The following SYT14 variants were observed in gnomAD, a reference collection of about 807,000 sequenced individuals.
SYT14 encodes synaptotagmin-14.
SYT14 carries 32 observed loss-of-function variants against 74.2 expected under a neutral mutation model. That is an observed-to-expected ratio of 0.43 (90% CI 0.33 to 0.58). SYT14 has a LOEUF of 0.58. Ranked by LOEUF, SYT14 falls within the 20% of genes least tolerant of loss-of-function variation. SYT14 has a pLI of 0.05. For synonymous variants in SYT14, 298 were observed against 337.7 expected, an observed-to-expected ratio of 0.88 and a Z score of 1.29; for missense variants, 791 against 981.8, an observed-to-expected ratio of 0.81 and a Z score of 2.60.
chr1:209,988,948 G>T (rs1270019316), intron 2 of SYT14, among the ~76,000 whole-genome samples: 1 of 152,142 alleles, frequency 6.6e-6, no homozygotes, highest in African/African-American at 2.4e-5. Flanking sequence ...AGCACACTTG[G>T]CTTCTTCATA....
At chr1:209,958,931 T>A (rs541032444) in intron 2 of SYT14, among the ~76,000 whole-genome samples, 5 of 152,208 alleles carry the variant, frequency 3.3e-5, no homozygotes, top group South Asian at 2.1e-4. Context: ...TTGGCGAGGA[T>A]GTGGAGGAAT....
chr1:209,977,960 C>CT (rs2079400173), intron 2 of SYT14, among the ~76,000 whole-genome samples: 1 of 152,122 alleles, frequency 6.6e-6, no homozygotes, highest in African/African-American at 2.4e-5. Context: ...TTCACTTGAT[C>CT]TTCCATCACT....
At chr1:209,975,996 T>C (rs1381225806) in intron 2 of SYT14, among the ~76,000 whole-genome samples, 1 of 152,172 alleles carries the variant, frequency 6.6e-6, no homozygotes, top group Non-Finnish European at 1.5e-5. Flanking sequence ...TGCATAGAGG[T>C]GTTTATAGTA....
exon 10 of SYT14, chr1:210,161,265 A>G (rs1410086197): frequency 1.5e-6 from 1 of 655,964 alleles, no homozygotes; most frequent in Non-Finnish European, 2.8e-6. Flanking sequence ...AACGTACACT[A>G]TCATTGCTAA....
chr1:210,159,554 A>G, intron 9 of SYT14, 77 bp downstream of exon 8: 1 of 1,282,908 alleles, frequency 7.8e-7, no homozygotes, highest in Non-Finnish European at 1.1e-6. Context: ...CCAGCAGTGA[A>G]GCTGTCCACC....
At chr1:210,167,077 T>C (rs2083464219) in exon 10 of SYT14, 1 of 152,246 alleles carries the variant, frequency 6.6e-6, no homozygotes, top group African/African-American at 2.4e-5. Flanking sequence ...GTTCAAATAT[T>C]TCCTTCTAAG....
rs368072216 is a variant in SYT14 at position 210,026,605 on chromosome 1, TACACAC to T, written c.1312+5384_1312+5389del. Among the ~76,000 whole-genome samples the T allele has an allele frequency of 3.1e-3, 422 of 138,346 alleles. 1 individual carries two copies. The highest frequency in any genetic ancestry group is 8.9e-3 in the African/African-American group (346 of 38,682). 90.8% of individuals were successfully genotyped at this position (138,346 alleles called of 152,430 possible). A position where few individuals can be genotyped will look rare whatever the true frequency, so the allele number is the denominator to read the frequency against. On this transcript the variant is annotated intron_variant, in intron 5 of 9. Transcript: ENST00000637265. ...CACTTATGTCTTAGGGTATATAGCTTACACACACACACACACACACACACACACACA... is the reference window on the plus strand; with the variant it reads ...CACTTATGTCTTAGGGTATATAGCTTACACACACACACACACACACACACA...
At chr1:210,139,328 T>TGGTC (rs1410623899) in intron 7 of SYT14, among the ~76,000 whole-genome samples, 1 of 148,152 alleles carries the variant, frequency 6.7e-6, no homozygotes, top group Non-Finnish European at 1.5e-5. Context: ...TTGCCCAGGC[T>TGGTC]GGTCTCCAGC....
chr1:210,065,362 G>A (rs2081277971), intron 5 of SYT14, among the ~76,000 whole-genome samples: 2 of 151,942 alleles, frequency 1.3e-5, no homozygotes, highest in Admixed American at 6.6e-5. Flanking sequence ...AGATCTGATG[G>A]TTTTATAAGG....
chr1:210,138,464 T>C (rs2082838095), intron 7 of SYT14, among the ~76,000 whole-genome samples: 1 of 152,218 alleles, frequency 6.6e-6, no homozygotes, highest in Non-Finnish European at 1.5e-5. Flanking sequence ...ATCTACTTTT[T>C]TGTCTTCTAT....
chr1:209,993,284 C>T (rs1472138324), intron 2 of SYT14, among the ~76,000 whole-genome samples: 5 of 152,236 alleles, frequency 3.3e-5, no homozygotes, highest in African/African-American at 9.6e-5. Flanking sequence ...TCGACTGCCC[C>T]TCCTTGGACA....
At chr1:210,120,521 C>G (rs1224128042) in intron 7 of SYT14, among the ~76,000 whole-genome samples, 3 of 152,054 alleles carry the variant, frequency 2.0e-5, no homozygotes, top group Non-Finnish European at 4.4e-5. Flanking sequence ...TACACAAATA[C>G]TTACCATTGT....
At chr1:209,941,748 T>C (rs1027220654) in intron 1 of SYT14, among the ~76,000 whole-genome samples, 1 of 152,212 alleles carries the variant, frequency 6.6e-6, no homozygotes, top group Non-Finnish European at 1.5e-5. Context: ...TCTTATTCAT[T>C]TTTGTACCCC....
chr1:210,133,614 A>G (rs904303003), intron 7 of SYT14, among the ~76,000 whole-genome samples: 16 of 152,152 alleles, frequency 1.1e-4, no homozygotes, highest in Admixed American at 7.2e-4. Flanking sequence ...TTTTATTAAT[A>G]TATTCACTTA....
At chr1:210,083,929 T>C (rs2102489475) in intron 5 of SYT14, among the ~76,000 whole-genome samples, 1 of 152,316 alleles carries the variant, frequency 6.6e-6, no homozygotes, top group East Asian at 1.9e-4. Flanking sequence ...GGACTGGAAC[T>C]CTTGGTCCCA....
At chr1:209,949,589 C>A (rs1040128287) in intron 1 of SYT14, among the ~76,000 whole-genome samples, 1 of 148,838 alleles carries the variant, frequency 6.7e-6, no homozygotes, top group African/African-American at 2.6e-5. Flanking sequence ...AAAAAAAACA[C>A]TCAATTTCAG....
chr1:209,976,166 A>G (rs571492824), intron 2 of SYT14, among the ~76,000 whole-genome samples: 232 of 151,914 alleles, frequency 1.5e-3, no homozygotes, highest in Middle Eastern at 6.8e-3. Flanking sequence ...TCCTGGATTC[A>G]TTGATTTTTT....
chr1:210,050,253 G>T (rs937015231), intron 5 of SYT14, among the ~76,000 whole-genome samples: 1 of 152,180 alleles, frequency 6.6e-6, no homozygotes, highest in African/African-American at 2.4e-5. Context: ...CTCTGGGGCA[G>T]GGGCAAGATG....
chr1:210,016,551 A>G (rs527443795), exon 4 of SYT14: 57 of 1,232,038 alleles, frequency 4.6e-5, no homozygotes, highest in South Asian at 2.9e-4. Flanking sequence ...GGAATTTCCA[A>G]TAATGGTAAG....
Sources: gnomAD v4.1 joint callset for allele counts (sites outside exome capture counted in the v4.1 genomes callset) on GRCh38, gnomAD v4.1.1 for gene constraint, MANE v1.5 for transcripts, NCBI Gene and HGNC (gene_info 2026-07-23, HGNC 2026-07-21) for gene names.